The following AGBL4 variants were observed in gnomAD, a reference collection of about 807,000 sequenced individuals.
The protein encoded by AGBL4 is cytosolic carboxypeptidase 6.
Under a neutral mutation model 66.4 loss-of-function variants are expected in AGBL4, and 58 were observed. The observed-to-expected ratio is 0.87, with a 90% confidence interval of 0.71 to 1.09. The LOEUF (loss-of-function observed/expected upper bound fraction) is 1.09. Ranked by LOEUF, AGBL4 falls within the 50% of genes least tolerant of loss-of-function variation. AGBL4 has a pLI of 0.00. For missense variants in AGBL4, 579 were observed against 631.0 expected (o/e 0.92, Z 0.88); for synonymous variants, 234 against 222.9 (o/e 1.05, Z -0.44).
intron 3 of AGBL4, among the ~76,000 whole-genome samples, chr1:49,366,177 C>T (rs1644237988): frequency 6.6e-6 from 1 of 152,164 alleles, no homozygotes; most frequent in African/African-American, 2.4e-5. Flanking sequence ...AGATGGATGC[C>T]TGTCTCCTCT....
At chr1:49,322,452 C>G (rs981295943) in intron 3 of AGBL4, among the ~76,000 whole-genome samples, 6 of 152,162 alleles carry the variant, frequency 3.9e-5, no homozygotes, top group African/African-American at 7.2e-5. Context: ...AATTTATGTT[C>G]ACATCCAAAT....
chr1:49,641,144 A>G (rs1188401586), intron 3 of AGBL4, among the ~76,000 whole-genome samples: 1 of 152,142 alleles, frequency 6.6e-6, no homozygotes, highest in African/African-American at 2.4e-5. Flanking sequence ...TGTTATGCAA[A>G]TAACTTCCTT....
chr1:48,791,033 G>T (rs72890014), intron 6 of AGBL4, among the ~76,000 whole-genome samples: 1,650 of 152,170 alleles, frequency 0.011, 27 homozygotes, highest in African/African-American at 0.037. Flanking sequence ...TAACTTCCCG[G>T]CCTCCAGAAC....
rs531944356 is a variant in AGBL4, at chr1:49,936,003, T to C, written c.35-84485A>G. Among the ~76,000 whole-genome samples the C allele has an allele frequency of 1.1e-3, 172 of 152,066 alleles. 1 individual carries two copies. The highest frequency in any genetic ancestry group is 4.0e-3 in the African/African-American group (168 of 41,498). On this transcript the variant is annotated intron_variant, in intron 1 of 13. Transcript: ENST00000371839. ...CTGGAGGGAGAATGACTTTGATGAG[T>C]TGAGAGAAGAAGGCTTCAGACGATC...
chr1:48,895,155 C>T lies in AGBL4; in HGVS notation c.595-27925G>A, dbSNP rs578107255. Among the ~76,000 whole-genome samples, 3 of 152,330 alleles carry T rather than the reference C, an allele frequency of 2.0e-5. No homozygotes were observed. The East Asian group carries it at 5.8e-4, about 29-fold the overall frequency. ...CCACCATTTCTTTTTCTTCTTCCTT[C>T]TCCTGAAAATGCAGCAGGTAAAGTT... is the stretch of plus-strand genomic sequence containing the variant. On this transcript the variant is annotated intron_variant, in intron 5 of 13. Coordinates refer to ENST00000371839, the MANE Select transcript of AGBL4 (RefSeq NM_032785.4).
chr1:49,348,242 C>A (rs1292297912), intron 3 of AGBL4, among the ~76,000 whole-genome samples: 1 of 151,846 alleles, frequency 6.6e-6, no homozygotes, highest in Non-Finnish European at 1.5e-5. Flanking sequence ...CACGGTGAAC[C>A]CCTGTCTCTA....
At chr1:48,938,436 C>T (rs947308717) in intron 5 of AGBL4, among the ~76,000 whole-genome samples, 11 of 152,118 alleles carry the variant, frequency 7.2e-5, no homozygotes, top group African/African-American at 2.7e-4. Context: ...GGGAACACAG[C>T]GTTCTATGAC....
chr1:49,531,808 A>G (rs1651163208), intron 3 of AGBL4, among the ~76,000 whole-genome samples: 1 of 152,088 alleles, frequency 6.6e-6, no homozygotes, highest in African/African-American at 2.4e-5. Flanking sequence ...GCACGTTACT[A>G]TTGATGACTA....
At chr1:49,493,017 G>A (rs900091199) in intron 3 of AGBL4, among the ~76,000 whole-genome samples, 2 of 151,840 alleles carry the variant, frequency 1.3e-5, no homozygotes, top group African/African-American at 4.8e-5. Context: ...AAGCAAAAGA[G>A]AAAAAGCCCC....
chr1:48,816,092 T>TGTAG (rs1553238576), intron 6 of AGBL4, among the ~76,000 whole-genome samples: 1 of 110,498 alleles, frequency 9.0e-6, no homozygotes, highest in African/African-American at 3.7e-5. Flanking sequence ...TGTGTGTGTG[T>TGTAG]AGAGAGAAAG....
chr1:48,651,765 CTG>C (rs1342811616), intron 8 of AGBL4, among the ~76,000 whole-genome samples: 2 of 152,212 alleles, frequency 1.3e-5, no homozygotes, highest in African/African-American at 2.4e-5. Flanking sequence ...TAAACCAACT[CTG>C]TGTAAAACAA....
At chr1:49,256,338 A>G (rs1041841913) in intron 3 of AGBL4, among the ~76,000 whole-genome samples, 1 of 152,166 alleles carries the variant, frequency 6.6e-6, no homozygotes, top group African/African-American at 2.4e-5. Context: ...AAATTCAAAA[A>G]GGCATTTATT....
At chr1:48,991,553 T>C (rs559160329) in intron 5 of AGBL4, among the ~76,000 whole-genome samples, 2 of 152,324 alleles carry the variant, frequency 1.3e-5, no homozygotes, top group South Asian at 4.1e-4. Flanking sequence ...TATTATCCTT[T>C]TGAAATAAAT....
At chr1:48,566,508 AC>A (rs1644477945) in intron 11 of AGBL4, among the ~76,000 whole-genome samples, 1 of 152,234 alleles carries the variant, frequency 6.6e-6, no homozygotes, top group African/African-American at 2.4e-5. Context: ...TTTGGGTCAA[AC>A]CCAAGCTCTA....
At chr1:49,623,923 C>T (rs1645415538) in intron 3 of AGBL4, among the ~76,000 whole-genome samples, 2 of 152,076 alleles carry the variant, frequency 1.3e-5, no homozygotes, top group South Asian at 4.1e-4. Flanking sequence ...GGGCAAGTTA[C>T]TCACACGGTT....
intron 1 of AGBL4, among the ~76,000 whole-genome samples, chr1:49,860,370 G>A (rs1646537996): frequency 6.6e-6 from 1 of 152,238 alleles, no homozygotes; most frequent in Non-Finnish European, 1.5e-5. Flanking sequence ...GCAATTCAAT[G>A]TAGAGAAGAA....
chr1:48,860,630 T>C (rs1647383595), intron 6 of AGBL4, among the ~76,000 whole-genome samples: 1 of 152,138 alleles, frequency 6.6e-6, no homozygotes. Context: ...CCATTGTAGG[T>C]ATAGAGAGGT....
At position 48,837,663 on chromosome 1, in the gene AGBL4, A is replaced by AAC. The variant is rs58493461; in HGVS notation, c.634+29526_634+29527dup. 6.0e-3 allele frequency among the ~76,000 whole-genome samples: 730 copies of AAC among 121,314 alleles called. 7 individuals carry two copies. Among genetic ancestry groups the AAC allele is most frequent in the African/African-American group, 0.012 (398 of 32,534 alleles). 79.6% of individuals were successfully genotyped at this position (121,314 alleles called of 152,430 possible). A position where few individuals can be genotyped will look rare whatever the true frequency, so the allele number is the denominator to read the frequency against. ...TTGTGTGAGTTAATATTACTTAATG[A>AAC]ACACACACACACACACACACACACG... On this transcript the variant is annotated intron_variant, in intron 6 of 13. Transcript: ENST00000371839.
At chr1:48,527,593 C>CA in the AGBL4 span, among the ~76,000 whole-genome samples, 2,330 of 121,450 alleles carry the variant, frequency 0.019, 51 homozygotes, top group African/African-American at 0.055. Context: ...GACTCCATCT[C>CA]AAAAAAAAAA....
Sources: allele counts gnomAD v4.1 joint callset (sites outside exome capture counted in the v4.1 genomes callset), GRCh38; gene constraint gnomAD v4.1.1; transcripts MANE v1.5; gene names NCBI Gene and HGNC (gene_info 2026-07-23, HGNC 2026-07-21).